Variants in SMARCC1 observed in about 807,000 individuals in gnomAD.
SMARCC1 encodes the protein SWI/SNF related BAF chromatin remodeling complex subunit C1.
In SMARCC1, 43 loss-of-function variants were observed where a neutral mutation model predicts 147.4. The observed-to-expected ratio is 0.29, with a 90% CI of 0.23 to 0.38. The LOEUF is 0.38. SMARCC1 is among the 10% of genes least tolerant of loss of function. SMARCC1 has a pLI of 1.00. For missense variants in SMARCC1, 1,119 were observed against 1,381.1 expected, an observed-to-expected ratio of 0.81 and a Z score of 3.01; for synonymous variants, 495 against 484.4, an observed-to-expected ratio of 1.02 and a Z score of -0.29.
At chr3:47,680,391 A>G (rs755371291) in intron 15 of SMARCC1, 46 bp downstream of exon 15, 5 of 1,299,728 alleles carry the variant, frequency 3.8e-6, no homozygotes, top group Admixed American at 3.5e-5. Context: ...AAGAGCCCCT[A>G]CCGCACACAG....
At chr3:47,732,985 G>A (rs989807377) in intron 5 of SMARCC1, among the ~76,000 whole-genome samples, 1 of 151,938 alleles carries the variant, frequency 6.6e-6, no homozygotes, top group African/African-American at 2.4e-5. Context: ...GCGGGTGCCT[G>A]TAATCCCAGC....
At chr3:47,755,208 CTAAAT>C (rs997261241) in intron 2 of SMARCC1, among the ~76,000 whole-genome samples, 1 of 151,898 alleles carries the variant, frequency 6.6e-6, no homozygotes, top group African/African-American at 2.4e-5. Flanking sequence ...GTCTCAAAAA[CTAAAT>C]TAATTAAGGG....
intron 19 of SMARCC1, among the ~76,000 whole-genome samples, chr3:47,668,268 CAT>C (rs1400355266): frequency 6.6e-6 from 1 of 152,086 alleles, no homozygotes; most frequent in Non-Finnish European, 1.5e-5. Context: ...ATTCTAATGA[CAT>C]ATTTTCAAGT....
At chr3:47,687,728 C>T (rs2033742576) in intron 13 of SMARCC1, among the ~76,000 whole-genome samples, 2 of 152,078 alleles carry the variant, frequency 1.3e-5, no homozygotes, top group South Asian at 4.1e-4. Context: ...CTGGGCCTCT[C>T]AAAGAACTAG....
chr3:47,691,777 A>G (rs2033792028), intron 12 of SMARCC1, among the ~76,000 whole-genome samples: 1 of 152,052 alleles, frequency 6.6e-6, no homozygotes, highest in African/African-American at 2.4e-5. Flanking sequence ...AGGTGGGTGG[A>G]TCAACTGAGG....
Position 47,721,204 on chromosome 3 carries a change from T to A in SMARCC1, c.647-469A>T, listed in dbSNP as rs1339094504. Among the ~76,000 whole-genome samples the A allele has an allele frequency of 2.0e-5, 3 of 152,162 alleles. No homozygotes were observed. In the East Asian group the frequency reaches 5.8e-4, roughly 29 times the overall value. ...TACTAACTACTCTGCTTCCTCTAGATTCCCTTTTTCTGATGTCCTATAAGC... is the reference window on the plus strand; with the variant it reads ...TACTAACTACTCTGCTTCCTCTAGAATCCCTTTTTCTGATGTCCTATAAGC... On this transcript the variant is annotated intron_variant, in intron 6 of 27. Coordinates refer to ENST00000254480, the MANE Select transcript of SMARCC1 (RefSeq NM_003074.4).
At chr3:47,701,513 A>G in intron 10 of SMARCC1, 111 bp from the exon 11 acceptor site, 1 of 1,036,150 alleles carries the variant, frequency 9.7e-7, no homozygotes, top group East Asian at 2.5e-5. Context: ...GCTCAAGATC[A>G]CTTTAAAAGA....
intron 21 of SMARCC1, among the ~76,000 whole-genome samples, chr3:47,651,209 T>G (rs2033185580): frequency 1.3e-5 from 2 of 152,076 alleles, no homozygotes; most frequent in Admixed American, 1.3e-4. Flanking sequence ...GAGGCTGAGG[T>G]GGGAGAATCA....
At chr3:47,737,977 C>T in intron 4 of SMARCC1, 52 bp downstream of exon 4, 3 of 1,382,844 alleles carry the variant, frequency 2.2e-6, no homozygotes, top group Non-Finnish European at 3.0e-6. Flanking sequence ...AATCTTAAAA[C>T]TGAAAATATA....
chr3:47,698,860 G>C (rs924569550), intron 11 of SMARCC1, among the ~76,000 whole-genome samples: 1 of 151,912 alleles, frequency 6.6e-6, no homozygotes, highest in African/African-American at 2.4e-5. Context: ...GAGATGGTTA[G>C]AATAGAATAC....
intron 2 of SMARCC1, among the ~76,000 whole-genome samples, chr3:47,764,847 G>A (rs1025421887): frequency 1.3e-5 from 2 of 152,128 alleles, no homozygotes; most frequent in African/African-American, 4.8e-5. Context: ...TTCCTACATG[G>A]CCCCCAAGTT....
At chr3:47,608,843 T>C (rs2032519754) in intron 26 of SMARCC1, among the ~76,000 whole-genome samples, 1 of 103,318 alleles carries the variant, frequency 9.7e-6, no homozygotes, top group Non-Finnish European at 1.9e-5. Flanking sequence ...AGCGAGACAG[T>C]GTCTTTAAAA....
In SMARCC1 at chr3:47,745,904, T is replaced by A; in HGVS notation, c.401+4A>T. 6.6e-7 allele frequency: 1 copy of A among 1,525,588 alleles called. No homozygotes were observed. The highest frequency in any genetic ancestry group is 8.8e-7 in the Non-Finnish European group (1 of 1,135,852). 94.5% of individuals were successfully genotyped at this position (1,525,588 alleles called of 1,614,324 possible). A position where few individuals can be genotyped will look rare whatever the true frequency, so the allele number is the denominator to read the frequency against. Reference sequence around the variant, plus strand: ...AAAACATGCAAACAAATACAAAAACTTACCATCCCTGTTCATTTTTATACT... The same window carrying A: ...AAAACATGCAAACAAATACAAAAACATACCATCCCTGTTCATTTTTATACT... On this transcript the variant is annotated splice_donor_region_variant and intron_variant, in intron 3 of 27. Transcript: ENST00000254480.
At chr3:47,621,530 C>T (rs1372000602) in intron 25 of SMARCC1, among the ~76,000 whole-genome samples, 5 of 151,974 alleles carry the variant, frequency 3.3e-5, no homozygotes, top group Admixed American at 6.6e-5. Context: ...AGCTGGAGGC[C>T]ATTATTCTAA....
At chr3:47,760,295 G>A (rs1182531119) in intron 2 of SMARCC1, among the ~76,000 whole-genome samples, 3 of 152,130 alleles carry the variant, frequency 2.0e-5, no homozygotes, top group Non-Finnish European at 4.4e-5. Flanking sequence ...CTGGGCAACA[G>A]AGAAAGGCTG....
chr3:47,631,765 T>A (rs2032894483), intron 24 of SMARCC1, among the ~76,000 whole-genome samples: 1 of 152,164 alleles, frequency 6.6e-6, no homozygotes, highest in African/African-American at 2.4e-5. Flanking sequence ...ACAAAGCTGT[T>A]TATAGACACA....
chr3:47,739,157 T>C (rs1335457071), intron 3 of SMARCC1, among the ~76,000 whole-genome samples: 1 of 152,170 alleles, frequency 6.6e-6, no homozygotes, highest in Non-Finnish European at 1.5e-5. Flanking sequence ...AAAGTAAGGA[T>C]TGTGGAAAAC....
intron 6 of SMARCC1, among the ~76,000 whole-genome samples, chr3:47,727,624 T>G (rs1277961984): frequency 6.6e-6 from 1 of 152,130 alleles, no homozygotes; most frequent in Non-Finnish European, 1.5e-5. Flanking sequence ...TTTGTTTTTT[T>G]TTTTAGGTAA....
chr3:47,744,203 G>A (rs748609280), intron 3 of SMARCC1, among the ~76,000 whole-genome samples: 45 of 152,028 alleles, frequency 3.0e-4, no homozygotes, highest in African/African-American at 1.0e-3. Context: ...GTGCAGTGGC[G>A]CAATCTCAGC....
Sources: allele counts gnomAD v4.1 joint callset (sites outside exome capture counted in the v4.1 genomes callset), GRCh38; gene constraint gnomAD v4.1.1; transcripts MANE v1.5; gene names NCBI Gene and HGNC (gene_info 2026-07-23, HGNC 2026-07-21).